SGIP1: variants seen among roughly 807,000 people sequenced by gnomAD.
SGIP1 encodes SH3-containing GRB2-like protein 3-interacting protein 1.
Under a neutral mutation model 107.5 loss-of-function variants are expected in SGIP1, and 38 were observed. That is an observed-to-expected ratio of 0.35 (90% CI 0.27 to 0.46). The LOEUF is 0.46. SGIP1 is among the 20% of genes least tolerant of loss of function. The pLI, the probability that SGIP1 is intolerant of heterozygous loss-of-function variation, is 1.00. For synonymous variants in SGIP1, 365 were observed against 366.1 expected (o/e 1.00, Z 0.03); for missense variants, 929 against 1,019.5 (o/e 0.91, Z 1.21).
intron 7 of SGIP1, among the ~76,000 whole-genome samples, chr1:66,657,248 A>G (rs914831224): frequency 1.3e-5 from 2 of 152,166 alleles, no homozygotes; most frequent in Non-Finnish European, 2.9e-5. Context: ...TTAAGGTTCA[A>G]TGATTGCAGA....
At position 66,613,106 on chromosome 1, in the gene SGIP1, T is replaced by A. The variant is rs540194064; in HGVS notation, c.11-12741T>A. On this transcript the variant is annotated intron_variant, in intron 1 of 24. Transcript: ENST00000371037. ...TTTAACACTAAAACAATACTCAATATAATTTTGTCTTTTGGTGTTGTAGAA... is the reference window on the plus strand; with the variant it reads ...TTTAACACTAAAACAATACTCAATAAAATTTTGTCTTTTGGTGTTGTAGAA... Among the ~76,000 whole-genome samples, 16 of 152,342 alleles carry A rather than the reference T, an allele frequency of 1.1e-4. No homozygotes were observed. In the South Asian group the frequency reaches 2.9e-3, roughly 28 times the overall value.
chr1:66,593,906 C>G (rs931329656), intron 1 of SGIP1, among the ~76,000 whole-genome samples: 2 of 152,162 alleles, frequency 1.3e-5, no homozygotes, highest in Non-Finnish European at 2.9e-5. Flanking sequence ...TTCCAACATA[C>G]TTTAAAGAAT....
chr1:66,671,834 G>A lies in SGIP1; in HGVS notation c.509-110G>A, dbSNP rs886224318. 5.0e-6 allele frequency: 5 copies of A among 997,988 alleles called. No individual in the cohort carries two copies. The African/African-American group carries it at 6.5e-5, about 13-fold the overall frequency. 61.8% of individuals were successfully genotyped at this position (997,988 alleles called of 1,614,324 possible). On this transcript the variant is annotated intron_variant, in intron 10 of 24. Transcript: ENST00000371037. Reference sequence around the variant, plus strand: ...TTGTTTTGCAAAGTTTTCATACTGAGTTGCTTATTGATGGGACTTAAATCT... The same window carrying A: ...TTGTTTTGCAAAGTTTTCATACTGAATTGCTTATTGATGGGACTTAAATCT...
At chr1:66,626,744 A>G (rs1295490875) in intron 2 of SGIP1, among the ~76,000 whole-genome samples, 1 of 152,188 alleles carries the variant, frequency 6.6e-6, no homozygotes, top group African/African-American at 2.4e-5. Flanking sequence ...ATTCAGCTGC[A>G]GGTGGTTGTG....
intron 1 of SGIP1, among the ~76,000 whole-genome samples, chr1:66,604,808 G>A (rs545861581): frequency 2.9e-4 from 44 of 152,322 alleles, no homozygotes; most frequent in African/African-American, 1.1e-3. Context: ...ACTTCTGACT[G>A]TGAATCATTT....
rs377697602 is a variant in SGIP1, at chr1:66,631,044, G to A, written c.75-2026G>A. Among the ~76,000 whole-genome samples the A allele has an allele frequency of 2.4e-3, 249 of 102,638 alleles. 1 individual carries two copies. The highest frequency in any genetic ancestry group is 7.6e-3 in the African/African-American group (194 of 25,562). 67.3% of individuals were successfully genotyped at this position (102,638 alleles called of 152,430 possible). Reference sequence around the variant, plus strand: ...AAAGGAAAGGAAGGAAGGAAGAAAGGAAGAAAGAAAGAAAGAAAGAAAGAA... The same window carrying A: ...AAAGGAAAGGAAGGAAGGAAGAAAGAAAGAAAGAAAGAAAGAAAGAAAGAA... On this transcript the variant is annotated intron_variant, in intron 2 of 24. Transcript: ENST00000371037.
intron 2 of SGIP1, 115 bp from the exon 3 acceptor site, chr1:66,632,955 G>A (rs1450254492): frequency 1.3e-6 from 1 of 755,206 alleles, no homozygotes; most frequent in Admixed American, 2.1e-5. Context: ...GTTTACTGGG[G>A]TGGGAATGCT....
rs1187910696 is a variant in SGIP1 at position 66,741,240 on chromosome 1, C to A, written c.2300-32C>A. ...AATTATATCCGAAATATTATGTTGA[C>A]TGTTACCTTGTAATAATGTGTTTTT... On this transcript the variant is annotated intron_variant, in intron 23 of 24. Transcript: ENST00000371037. The A allele has an allele frequency of 2.0e-6, 3 of 1,536,016 alleles. No individual in the cohort carries two copies. In the South Asian group the frequency reaches 3.8e-5, roughly 19 times the overall value.
chr1:66,555,483 G>A (rs769133512), intron 1 of SGIP1, among the ~76,000 whole-genome samples: 25 of 152,066 alleles, frequency 1.6e-4, no homozygotes, highest in Non-Finnish European at 3.5e-4. Context: ...TTCATCAAGA[G>A]GGATGTATCC....
chr1:66,660,427 C>T, intron 7 of SGIP1, 86 bp from the exon 8 acceptor site: 1 of 1,303,388 alleles, frequency 7.7e-7, no homozygotes, highest in Non-Finnish European at 1.1e-6. Context: ...TAAGGTTATC[C>T]TGAACCTTGA....
intron 19 of SGIP1, among the ~76,000 whole-genome samples, chr1:66,723,426 G>A (rs1216720019): frequency 6.6e-6 from 1 of 152,068 alleles, no homozygotes; most frequent in African/African-American, 2.4e-5. Flanking sequence ...TAGCTCACAG[G>A]CAGCAAATTC....
intron 1 of SGIP1, among the ~76,000 whole-genome samples, chr1:66,536,776 C>T (rs1000234037): frequency 1.4e-5 from 2 of 147,432 alleles, no homozygotes; most frequent in Non-Finnish European, 1.5e-5. Flanking sequence ...GTCTCACACA[C>T]ACACAGAGTC....
rs1010290947 is a variant in SGIP1 at position 66,749,611 on chromosome 1, A to G, written c.*6516A>G. On this transcript the variant is annotated 3_prime_UTR_variant, in exon 25 of 25. Transcript: ENST00000371037. ...CTTTACATTTCTCTAAAGATAGTTCAGTTTTTAATCCATCCAGAGTTTGTG... is the reference window on the plus strand; with the variant it reads ...CTTTACATTTCTCTAAAGATAGTTCGGTTTTTAATCCATCCAGAGTTTGTG... 6.6e-6 allele frequency among the ~76,000 whole-genome samples: 1 copy of G among 152,118 alleles called. No individual in the cohort carries two copies.
Position 66,749,456 on chromosome 1 carries a change from G to GT in SGIP1, c.*6370dup, listed in dbSNP as rs944245811. Reference sequence around the variant, plus strand: ...CATTTCATAGGGTTTTTTTTTTGCTGTTTTTTTTTCTTTTTTTGCTTTGCT... The same window carrying GT: ...CATTTCATAGGGTTTTTTTTTTGCTGTTTTTTTTTTCTTTTTTTGCTTTGCT... On this transcript the variant is annotated 3_prime_UTR_variant, in exon 25 of 25. Transcript: ENST00000371037. Among the ~76,000 whole-genome samples, 2,092 of 146,188 alleles carry GT rather than the reference G, an allele frequency of 0.014. 50 individuals carry two copies. The highest frequency in any genetic ancestry group is 0.049 in the African/African-American group (1,948 of 39,854).
At chr1:66,543,338 G>A (rs1009119211) in intron 1 of SGIP1, among the ~76,000 whole-genome samples, 9 of 152,150 alleles carry the variant, frequency 5.9e-5, no homozygotes, top group African/African-American at 2.2e-4. Context: ...GAAAGCTGTG[G>A]CTGTTATCAT....
chr1:66,682,213 A>G lies in SGIP1; in HGVS notation c.1159A>G (p.Thr387Ala). 1 of 1,614,232 alleles carries G rather than the reference A, an allele frequency of 6.2e-7. No homozygotes were observed. The stretch of plus-strand genomic sequence containing the variant: ...AGTCCAGAAGAAAGTCGCTGAGCAG[A>G]CCTTCATTAAAGATGATTACTTAGA... ...EEVQKKVAEQ[T>A]FIKDDYLETI... is the part of the protein sequence containing the mutation. The change falls in exon 15 of 25, where the codon ACC becomes GCC. Residue 387 changes from threonine to alanine, a missense_variant. Physicochemically the swap from Thr to Ala is moderately conservative, Grantham distance 58 (BLOSUM62 0). Around this residue, in one of 2 missense-constraint regions of SGIP1, gnomAD observed 588 missense variants for 588.6 expected, o/e 1.00. Transcript: ENST00000371037.
At chr1:66,540,459 C>T (rs548253968) in intron 1 of SGIP1, among the ~76,000 whole-genome samples, 1 of 152,288 alleles carries the variant, frequency 6.6e-6, no homozygotes, top group East Asian at 1.9e-4. Flanking sequence ...TCTCATTCTT[C>T]CATCCCACCT....
At chr1:66,608,196 C>T (rs1002283207) in intron 1 of SGIP1, among the ~76,000 whole-genome samples, 16 of 152,270 alleles carry the variant, frequency 1.1e-4, no homozygotes, top group African/African-American at 3.9e-4. Context: ...ATGATTACAC[C>T]CACTTCACAG....
rs1310421647 is a variant in SGIP1 at position 66,617,379 on chromosome 1, C to T, written c.11-8468C>T. ...CTGGTCTTATGTCTTTCTGTAAGAA[C>T]TTCTGATGACAAAGAATCTGAATTG... On this transcript the variant is annotated intron_variant, in intron 1 of 24. Coordinates refer to ENST00000371037, the MANE Select transcript of SGIP1 (RefSeq NM_032291.4). Among the ~76,000 whole-genome samples, 4 of 152,262 alleles carry T rather than the reference C, an allele frequency of 2.6e-5. No homozygotes were observed. The East Asian group carries it at 7.7e-4, about 29-fold the overall frequency.
Sources: allele counts gnomAD v4.1 joint callset (sites outside exome capture counted in the v4.1 genomes callset), GRCh38; gene constraint gnomAD v4.1.1; regional missense constraint gnomAD v4.1.1; transcripts MANE v1.5; gene names NCBI Gene and HGNC (gene_info 2026-07-23, HGNC 2026-07-21).